SNX29: variants seen among roughly 807,000 people sequenced by gnomAD.
SNX29 encodes the protein sorting nexin-29.
SNX29 carries 78 observed loss-of-function variants against 102.1 expected under a neutral mutation model. The observed-to-expected ratio is 0.76, with a 90% confidence interval of 0.64 to 0.92. The LOEUF (loss-of-function observed/expected upper bound fraction) is 0.92. Among genes scored for constraint, SNX29 ranks in the 40% least tolerant of loss-of-function variants. SNX29 has a pLI of 0.00. For missense variants in SNX29, 1,280 were observed against 1,061.7 expected, an observed-to-expected ratio of 1.21 and a Z score of -2.86; for synonymous variants, 580 against 414.5, an observed-to-expected ratio of 1.40 and a Z score of -4.85.
chr16:12,476,762 A>G (rs544772524), intron 18 of SNX29, among the ~76,000 whole-genome samples: 100 of 152,082 alleles, frequency 6.6e-4, no homozygotes, highest in Admixed American at 9.8e-4. Context: ...GAGACATTCT[A>G]TGGTCGCCAT....
At chr16:12,440,620 G>T (rs11075076) in intron 18 of SNX29, among the ~76,000 whole-genome samples, 1 of 151,790 alleles carries the variant, frequency 6.6e-6, no homozygotes, top group Non-Finnish European at 1.5e-5. Flanking sequence ...GAAGGCCCCA[G>T]TGTGTGGTGT....
chr16:12,571,919 C>T lies in SNX29; in HGVS notation c.*3290C>T. On this transcript the variant is annotated 3_prime_UTR_variant, in exon 21 of 21. Transcript: ENST00000566228. ...CCCCCTGCATTTCTCTACTGGCAGG[C>T]CCTGGTGAAGGAAGACACTTTCAGG... 9.4e-7 allele frequency: 1 copy of T among 1,062,102 alleles called. No homozygotes were observed. Among genetic ancestry groups the T allele is most frequent in the Non-Finnish European group, 1.1e-6 (1 of 877,256 alleles). 65.8% of individuals were successfully genotyped at this position (1,062,102 alleles called of 1,614,324 possible).
intron 14 of SNX29, among the ~76,000 whole-genome samples, chr16:12,211,299 C>G (rs1021300290): frequency 6.6e-6 from 1 of 152,150 alleles, no homozygotes; most frequent in South Asian, 2.1e-4. Context: ...TCTGATACAG[C>G]CCAACCTTTT....
chr16:12,085,017 T>G (rs2052093979), intron 11 of SNX29, among the ~76,000 whole-genome samples: 1 of 151,860 alleles, frequency 6.6e-6, no homozygotes, highest in Admixed American at 6.6e-5. Flanking sequence ...CTGCAGTGAG[T>G]TATGATTACA....
intron 3 of SNX29, among the ~76,000 whole-genome samples, chr16:12,010,190 A>G (rs1000061832): frequency 5.3e-5 from 8 of 152,208 alleles, no homozygotes; most frequent in Non-Finnish European, 1.0e-4. Context: ...AGTAATTGTT[A>G]GCTGTTGTGA....
chr16:12,071,759 G>T (rs935436834), intron 10 of SNX29, among the ~76,000 whole-genome samples: 6 of 152,046 alleles, frequency 3.9e-5, no homozygotes, highest in Non-Finnish European at 7.4e-5. Context: ...AATTACCTTG[G>T]GCAGTATGGC....
At chr16:12,427,713 G>A (rs75446068) in intron 18 of SNX29, among the ~76,000 whole-genome samples, 3 of 152,214 alleles carry the variant, frequency 2.0e-5, no homozygotes, top group African/African-American at 7.2e-5. Flanking sequence ...TGGGAAGAGG[G>A]TGCAGAGCGC....
intron 15 of SNX29, among the ~76,000 whole-genome samples, chr16:12,286,361 T>G (rs1202758236): frequency 6.6e-6 from 1 of 151,424 alleles, no homozygotes; most frequent in Non-Finnish European, 1.5e-5. Flanking sequence ...TTTTTTTTTT[T>G]TTGAGATGGA....
At chr16:12,170,439 C>T (rs918060373) in intron 13 of SNX29, among the ~76,000 whole-genome samples, 1 of 151,884 alleles carries the variant, frequency 6.6e-6, no homozygotes. Context: ...TGGGGGAGAC[C>T]ACTTAGCCCT....
At chr16:12,166,630 G>T (rs984297702) in intron 13 of SNX29, among the ~76,000 whole-genome samples, 2 of 152,156 alleles carry the variant, frequency 1.3e-5, no homozygotes, top group African/African-American at 2.4e-5. Flanking sequence ...GACCAAGAAG[G>T]ATATGAATTG....
intron 18 of SNX29, among the ~76,000 whole-genome samples, chr16:12,417,216 A>T (rs961458863): frequency 2.0e-5 from 3 of 152,230 alleles, no homozygotes; most frequent in African/African-American, 7.2e-5. Flanking sequence ...GCTAGTCTGC[A>T]GTGAAAATGC....
At chr16:12,358,524 C>A (rs2082207719) in intron 16 of SNX29, among the ~76,000 whole-genome samples, 2 of 152,202 alleles carry the variant, frequency 1.3e-5, no homozygotes, top group South Asian at 4.1e-4. Context: ...TTCTCCTGCT[C>A]TCTTTTCACC....
At chr16:12,231,350 C>A (rs942567198) in intron 14 of SNX29, among the ~76,000 whole-genome samples, 1 of 152,182 alleles carries the variant, frequency 6.6e-6, no homozygotes, top group African/African-American at 2.4e-5. Context: ...TTCTTAAAAA[C>A]ATAATTGAAC....
intron 19 of SNX29, among the ~76,000 whole-genome samples, chr16:12,511,728 C>T (rs560723830): frequency 6.6e-6 from 1 of 151,162 alleles, no homozygotes; most frequent in African/African-American, 2.4e-5. Flanking sequence ...ATGGGTATTC[C>T]TCTCTTGAGC....
At chr16:12,119,016 T>G (rs1028947899) in intron 11 of SNX29, among the ~76,000 whole-genome samples, 2 of 152,222 alleles carry the variant, frequency 1.3e-5, no homozygotes, top group African/African-American at 4.8e-5. Flanking sequence ...TGCTCAGAAC[T>G]CATACTTTAG....
rs762118297 is a variant in SNX29 at position 12,574,043 on chromosome 16, CTG to C, written c.*5420_*5421del. ...GGCCACATATCTAGAGTCTGATAGT[CTG>C]TGTGTACATAAGGTCTAGAAGTCTG... is the stretch of plus-strand genomic sequence containing the variant. On this transcript the variant is annotated 3_prime_UTR_variant, in exon 21 of 21. Transcript: ENST00000566228. 13 of 195,396 alleles carry C rather than the reference CTG, an allele frequency of 6.7e-5. No individual in the cohort carries two copies. Among genetic ancestry groups the C allele is most frequent in the Non-Finnish European group, 8.5e-5 (8 of 94,028 alleles). The allele number at this position is 195,396 out of a possible 1,614,324, so 12.1% of individuals were successfully genotyped here. A position where few individuals can be genotyped will look rare whatever the true frequency, so the allele number is the denominator to read the frequency against.
At chr16:12,062,162 T>G (rs561925685) in intron 9 of SNX29, among the ~76,000 whole-genome samples, 1 of 152,094 alleles carries the variant, frequency 6.6e-6, no homozygotes, top group South Asian at 2.1e-4. Flanking sequence ...GTGGATCACC[T>G]GAGGTCAGGA....
chr16:12,332,916 G>A (rs1017278631), intron 15 of SNX29, among the ~76,000 whole-genome samples: 1 of 151,958 alleles, frequency 6.6e-6, no homozygotes, highest in Non-Finnish European at 1.5e-5. Context: ...TCCTGGGCCC[G>A]CTTTGAGACC....
rs200354925 is a variant in SNX29, at chr16:12,481,513, G to C, written c.2178+3654G>C. On this transcript the variant is annotated intron_variant, in intron 19 of 20. Transcript: ENST00000566228. Reference sequence around the variant, plus strand: ...ATACACATATGTACATATACATATAGACACACACACACACACACACACACA... The same window carrying C: ...ATACACATATGTACATATACATATACACACACACACACACACACACACACA... Among the ~76,000 whole-genome samples the C allele has an allele frequency of 1.2e-4, 15 of 125,662 alleles. No individual in the cohort carries two copies. In the South Asian group the frequency reaches 1.2e-3, roughly 10 times the overall value. 82.4% of individuals were successfully genotyped at this position (125,662 alleles called of 152,430 possible).
Sources: allele counts gnomAD v4.1 joint callset (sites outside exome capture counted in the v4.1 genomes callset), GRCh38; gene constraint gnomAD v4.1.1; transcripts MANE v1.5; gene names NCBI Gene and HGNC (gene_info 2026-07-23, HGNC 2026-07-21).